Variants in PIEZO1 observed in about 807,000 individuals in gnomAD.
PIEZO1 encodes the protein piezo-type mechanosensitive ion channel component 1.
A neutral mutation model predicts 297.2 loss-of-function variants in PIEZO1; 296 were observed. The observed-to-expected ratio is 1.00, with a 90% CI of 0.91 to 1.10. PIEZO1 has a LOEUF of 1.10. PIEZO1 is among the 50% of genes least tolerant of loss of function. PIEZO1 has a pLI of 0.00. For synonymous variants in PIEZO1, 2,427 were observed against 1,507.5 expected (o/e 1.61, Z -14.13); for missense variants, 5,018 against 3,455.5 (o/e 1.45, Z -11.34).
rs1268745467 is a variant in PIEZO1 at position 88,733,921 on chromosome 16, T to A, written c.2314A>T (p.Thr772Ser). Reference sequence around the variant, plus strand: ...CCCAACCCACCTTCAGGCACCTGCGTGGCCTGGTGGGGAGTGGCCACGCCC... The same window carrying A: ...CCCAACCCACCTTCAGGCACCTGCGAGGCCTGGTGGGGAGTGGCCACGCCC... ...GLGVATPHQA[T>S]QVPEGAAKWG... The change falls in exon 17 of 51, where the codon ACG (threonine) becomes TCG (serine). Residue 772 changes from threonine to serine, a missense_variant. Thr to Ser is a moderately conservative substitution (Grantham distance 58, BLOSUM62 1). Coordinates refer to ENST00000301015, the MANE Select transcript of PIEZO1 (RefSeq NM_001142864.4). 12 of 1,516,736 alleles carry A rather than the reference T, an allele frequency of 7.9e-6. No homozygotes were observed. Among genetic ancestry groups the A allele is most frequent in the Middle Eastern group, 3.8e-4 (2 of 5,258 alleles). The allele number at this position is 1,516,736 out of a possible 1,614,324, so 94.0% of individuals were successfully genotyped here.
Position 88,716,084 on chromosome 16 carries a change from G to C in PIEZO1, c.7165C>G (p.Leu2389Val). Residue 2389 changes from leucine to valine, a missense_variant, in exon 50 of 51, where the codon CTG becomes GTG. Transcript: ENST00000301015. Reference sequence around the variant, plus strand: ...GCCCCCGCACCCTGCTCCCTCCGCAGCTGGATACGCACGCCGAGGTAGTCG... The same window carrying C: ...GCCCCCGCACCCTGCTCCCTCCGCACCTGGATACGCACGCCGAGGTAGTCG... Reference protein sequence around the residue: ...EADYLGVRIQLRREQGAGATG... With the variant: ...EADYLGVRIQVRREQGAGATG... 1 of 1,549,372 alleles carries C rather than the reference G, an allele frequency of 6.5e-7. No individual in the cohort carries two copies. Among genetic ancestry groups the C allele is most frequent in the Non-Finnish European group, 8.7e-7 (1 of 1,146,354 alleles).
Position 88,737,802 on chromosome 16 carries a change from C to T in PIEZO1, c.1033G>A (p.Ala345Thr). 1 of 1,535,812 alleles carries T rather than the reference C, an allele frequency of 6.5e-7. No homozygotes were observed. Among genetic ancestry groups the T allele is most frequent in the East Asian group, 2.4e-5 (1 of 40,904 alleles). The change falls in exon 9 of 51, where the codon GCA (alanine) becomes ACA (threonine). Residue 345 changes from alanine to threonine, a missense_variant. By Grantham distance (58) the Ala-to-Thr change is moderately conservative. Coordinates refer to ENST00000301015, the MANE Select transcript of PIEZO1 (RefSeq NM_001142864.4). ...AGCTCCCGAGCCTCATACCCCTTTG[C>T]CGCCTCCTTCCTCTGCAGAGACCAG... is the stretch of plus-strand genomic sequence containing the variant. ...YRPSGQRKEA[A>T]KGYEARELEL...
chr16:88,739,108 C>G (rs1905460045), intron 5 of PIEZO1: 2 of 232,978 alleles, frequency 8.6e-6, no homozygotes, highest in Non-Finnish European at 1.7e-5. Flanking sequence ...GGGGCCCTGT[C>G]TATACCCCGG....
chr16:88,731,204 T>TC (rs1282691957), intron 22 of PIEZO1: 2 of 166,710 alleles, frequency 1.2e-5, no homozygotes, highest in African/African-American at 4.8e-5. Context: ...TCAGACCAGA[T>TC]CCCGTCTGAA....
At chr16:88,726,991 G>C (rs921066926) in intron 24 of PIEZO1, 33 bp from the exon 25 acceptor site, 1 of 1,549,096 alleles carries the variant, frequency 6.5e-7, no homozygotes, top group African/African-American at 1.4e-5. Context: ...CGGGCGCCCC[G>C]GCCACCCCTC....
chr16:88,784,329 T>TG (rs1414321506), intron 1 of PIEZO1, among the ~76,000 whole-genome samples: 1 of 152,114 alleles, frequency 6.6e-6, no homozygotes, highest in Non-Finnish European at 1.5e-5. Context: ...TTTTCCAAAG[T>TG]GTGGGACCGC....
intron 2 of PIEZO1, chr16:88,743,167 G>A: frequency 2.2e-6 from 1 of 455,784 alleles, no homozygotes; most frequent in South Asian, 1.6e-5. Context: ...CCCCCAGCAG[G>A]GAGGCCTTCG....
chr16:88,766,892 G>A (rs1489252384), intron 1 of PIEZO1, among the ~76,000 whole-genome samples: 1 of 152,220 alleles, frequency 6.6e-6, no homozygotes, highest in Non-Finnish European at 1.5e-5. Context: ...AAACTGGCTA[G>A]AGTGGGCCTC....
chr16:88,778,612 C>T (rs1015474946), intron 1 of PIEZO1, among the ~76,000 whole-genome samples: 3 of 152,200 alleles, frequency 2.0e-5, no homozygotes, highest in Non-Finnish European at 2.9e-5. Context: ...GTCCACTGCA[C>T]ACCTCAGAGC....
intron 10 of PIEZO1, 99 bp from the exon 11 acceptor site, chr16:88,736,838 G>A (rs989024439): frequency 5.7e-6 from 4 of 701,626 alleles, no homozygotes; most frequent in African/African-American, 3.7e-5. Flanking sequence ...GCACACAGCA[G>A]GAGAGACAGG....
Position 88,735,238 on chromosome 16 carries a change from G to A in PIEZO1, c.1566C>T (p.Tyr522=). 6.5e-7 allele frequency: 1 copy of A among 1,549,404 alleles called. No individual in the cohort carries two copies. The highest frequency in any genetic ancestry group is 1.2e-5 in the South Asian group (1 of 84,050). The change falls in exon 13 of 51, where the codon TAC becomes TAT. Residue 522 remains tyrosine (Y), a synonymous_variant. Coordinates refer to ENST00000301015, the MANE Select transcript of PIEZO1 (RefSeq NM_001142864.4). The part of the protein sequence containing the change: ...PCLDLGAMLL[Y]TLTFWLLLRQ... ...GCAGCAGGAGCCAGAAGGTCAGGGTGTAGAGCAACTGTGACAAGCGCAGGG... is the reference window on the plus strand; with the variant it reads ...GCAGCAGGAGCCAGAAGGTCAGGGTATAGAGCAACTGTGACAAGCGCAGGG...
Position 88,734,914 on chromosome 16 carries a change from G to T in PIEZO1, c.1809C>A (p.Val603=), listed in dbSNP as rs1347722982. 6.5e-7 allele frequency: 1 copy of T among 1,550,284 alleles called. No homozygotes were observed. The highest frequency in any genetic ancestry group is 1.4e-5 in the African/African-American group (1 of 73,062). The change falls in exon 14 of 51, where the codon GTC becomes GTA. Residue 603 remains valine (V), a synonymous_variant. Transcript: ENST00000301015. Reference sequence around the variant, plus strand: ...GGCAGAGCAGGAAGAGGAACATGTAGACAATCTTGTAGACCACGAGGCGGC... The same window carrying T: ...GGCAGAGCAGGAAGAGGAACATGTATACAATCTTGTAGACCACGAGGCGGC... ...FAGRLVVYKI[V]YMFLFLLCLT...
intron 1 of PIEZO1, among the ~76,000 whole-genome samples, chr16:88,762,573 G>A (rs1007563660): frequency 6.6e-6 from 1 of 152,186 alleles, no homozygotes; most frequent in South Asian, 2.1e-4. Context: ...ACCCCCAGTG[G>A]TGCCACGGCC....
intron 1 of PIEZO1, among the ~76,000 whole-genome samples, chr16:88,756,887 C>T (rs8063548): frequency 0.7 from 105,774 of 151,914 alleles, 37,744 homozygotes; most frequent in African/African-American, 0.87. Flanking sequence ...CCATCCTGGC[C>T]AACATGGTGA....
At chr16:88,760,212 G>A (rs1027554975) in intron 1 of PIEZO1, among the ~76,000 whole-genome samples, 3 of 152,096 alleles carry the variant, frequency 2.0e-5, no homozygotes, top group East Asian at 1.9e-4. Flanking sequence ...GCTGAGCCAC[G>A]GGCTCCGCTC....
At position 88,722,585 on chromosome 16, in the gene PIEZO1, G is replaced by A. The variant is rs1462050403; in HGVS notation, c.4773C>T (p.Ser1591=). The change falls in exon 35 of 51, where the codon TCC becomes TCT. Residue 1591 remains serine, a splice_region_variant and synonymous_variant. Coordinates refer to ENST00000301015, the MANE Select transcript of PIEZO1 (RefSeq NM_001142864.4). ...TEAPNAPSTV[S]SGLGAEEPLS... ...GCTCGGGTCACCCCCGCACCTACCT[G>A]GACACGGTGCTTGGGGCATTGGGGG... The A allele has an allele frequency of 2.0e-6, 3 of 1,529,726 alleles. No individual in the cohort carries two copies. Among genetic ancestry groups the A allele is most frequent in the Admixed American group, 2.0e-5 (1 of 49,670 alleles). The allele number at this position is 1,529,726 out of a possible 1,614,324, so 94.8% of individuals were successfully genotyped here.
chr16:88,729,896 G>A (rs1904685800), intron 22 of PIEZO1, among the ~76,000 whole-genome samples: 1 of 152,242 alleles, frequency 6.6e-6, no homozygotes, highest in Non-Finnish European at 1.5e-5. Context: ...ATCTGCCACA[G>A]AGGGAACCTC....
intron 21 of PIEZO1, 23 bp downstream of exon 21, chr16:88,732,312 G>A (rs1462944459): frequency 1.3e-6 from 2 of 1,534,614 alleles, no homozygotes; most frequent in East Asian, 4.9e-5. Context: ...CTGCCCCAGG[G>A]GGAGGCAATG....
Position 88,716,060 on chromosome 16 carries a change from C to A in PIEZO1, c.7189G>T (p.Ala2397Ser). ...ACCCACCATTCGAGGAAGCCGGTGGCCCCCGCACCCTGCTCCCTCCGCAGC... is the reference window on the plus strand; with the variant it reads ...ACCCACCATTCGAGGAAGCCGGTGGACCCCGCACCCTGCTCCCTCCGCAGC... The part of the protein sequence containing the change: ...IQLRREQGAG[A>S]TGFLEWWVIE... Residue 2397 changes from alanine to serine, a missense_variant, in exon 50 of 51, where the codon GCC becomes TCC. Transcript: ENST00000301015. 1 of 1,550,152 alleles carries A rather than the reference C, an allele frequency of 6.5e-7. No homozygotes were observed. Among genetic ancestry groups the A allele is most frequent in the Non-Finnish European group, 8.7e-7 (1 of 1,146,850 alleles).
Sources: allele counts gnomAD v4.1 joint callset (sites outside exome capture counted in the v4.1 genomes callset), GRCh38; gene constraint gnomAD v4.1.1; transcripts MANE v1.5; gene names NCBI Gene and HGNC (gene_info 2026-07-23, HGNC 2026-07-21).